Variants in DYNC1I1 observed in about 807,000 individuals in gnomAD.
DYNC1I1 encodes dynein cytoplasmic 1 intermediate chain 1.
DYNC1I1 carries 43 observed loss-of-function variants against 86.6 expected under a neutral mutation model. The observed-to-expected ratio is 0.50, with a 90% CI of 0.39 to 0.64. DYNC1I1 has a LOEUF of 0.64. DYNC1I1 is among the 30% of genes least tolerant of loss of function. The probability of loss-of-function intolerance (pLI) is 0.00; values close to 1 mark genes in which losing one functional copy is unlikely to be tolerated. For synonymous variants in DYNC1I1, 262 were observed against 283.7 expected (o/e 0.92, Z 0.77); for missense variants, 604 against 788.8 (o/e 0.77, Z 2.81).
intron 6 of DYNC1I1, among the ~76,000 whole-genome samples, chr7:95,917,778 C>T (rs886945183): frequency 7.9e-5 from 12 of 152,216 alleles, no homozygotes; most frequent in African/African-American, 2.7e-4. Flanking sequence ...CACTCGCCGT[C>T]CTTCATAGCT....
chr7:96,026,958 C>A (rs917811611), intron 10 of DYNC1I1, among the ~76,000 whole-genome samples: 3 of 152,218 alleles, frequency 2.0e-5, no homozygotes, highest in African/African-American at 7.2e-5. Context: ...CTTGGGTGTG[C>A]AAGTTGTGCT....
intron 6 of DYNC1I1, among the ~76,000 whole-genome samples, chr7:95,911,431 C>T (rs1791332151): frequency 1.3e-5 from 2 of 152,046 alleles, no homozygotes; most frequent in African/African-American, 4.8e-5. Flanking sequence ...GTATGTACTT[C>T]TCTGCTTCAG....
rs866884439 is a variant in DYNC1I1, at chr7:95,950,049, G to A, written c.491-27463G>A. On this transcript the variant is annotated intron_variant, in intron 6 of 16. Coordinates refer to ENST00000447467, the MANE Select transcript of DYNC1I1 (RefSeq NM_001135556.2). ...TATTAGAAATCTTTTATTTTTAGAC[G>A]TATTCACTTTGAATTCTTTCCTTTT... 4.0e-5 allele frequency among the ~76,000 whole-genome samples: 6 copies of A among 151,342 alleles called. No homozygotes were observed. In the East Asian group the frequency reaches 5.8e-4, roughly 15 times the overall value.
At chr7:96,090,817 A>G (rs1790817523) in intron 16 of DYNC1I1, among the ~76,000 whole-genome samples, 1 of 152,214 alleles carries the variant, frequency 6.6e-6, no homozygotes, top group African/African-American at 2.4e-5. Context: ...TAAATAAGTT[A>G]CATACCATAT....
At chr7:96,020,018 G>A (rs985110568) in intron 10 of DYNC1I1, among the ~76,000 whole-genome samples, 4 of 149,254 alleles carry the variant, frequency 2.7e-5, no homozygotes, top group Non-Finnish European at 4.4e-5. Context: ...GGCAAGAACT[G>A]TCATGCTCCT....
chr7:96,010,222 G>A (rs916239655), intron 10 of DYNC1I1, among the ~76,000 whole-genome samples: 3 of 152,130 alleles, frequency 2.0e-5, no homozygotes, highest in African/African-American at 7.2e-5. Flanking sequence ...CAAATAACTA[G>A]TGCGTGGTTG....
At chr7:96,041,517 A>G (rs888221668) in intron 14 of DYNC1I1, among the ~76,000 whole-genome samples, 10 of 152,240 alleles carry the variant, frequency 6.6e-5, no homozygotes, top group African/African-American at 2.4e-4. Flanking sequence ...ATGGAGAAGG[A>G]CATTCACTGA....
Position 95,796,275 on chromosome 7 carries a change from A to T in DYNC1I1, c.-9-8446A>T, listed in dbSNP as rs1194673494. Among the ~76,000 whole-genome samples, 3 of 152,184 alleles carry T rather than the reference A, an allele frequency of 2.0e-5. No individual in the cohort carries two copies. In the East Asian group the frequency reaches 5.8e-4, roughly 29 times the overall value. ...GGCTTAGGCAAGTGAGAAATCTTTC[A>T]CACATTGTTCTATGGGGTCTCTCTC... On this transcript the variant is annotated intron_variant, in intron 1 of 16. Transcript: ENST00000447467.
chr7:95,943,811 G>A (rs1584185810), intron 6 of DYNC1I1, among the ~76,000 whole-genome samples: 1 of 151,330 alleles, frequency 6.6e-6, no homozygotes, highest in African/African-American at 2.4e-5. Context: ...TGAGAAAACT[G>A]GCTAGCCATA....
intron 14 of DYNC1I1, 62 bp downstream of exon 14, chr7:96,039,483 C>T: frequency 6.2e-7 from 1 of 1,604,536 alleles, no homozygotes; most frequent in East Asian, 2.2e-5. Flanking sequence ...GTTTTTCATT[C>T]CCTGGAAACA....
chr7:95,961,989 G>C (rs938692608), intron 6 of DYNC1I1, among the ~76,000 whole-genome samples: 37 of 152,148 alleles, frequency 2.4e-4, no homozygotes, highest in Non-Finnish European at 5.9e-5. Flanking sequence ...GATGTGCCCA[G>C]GTTGGCTGAA....
At chr7:96,040,128 C>T (rs181923761) in intron 14 of DYNC1I1, among the ~76,000 whole-genome samples, 4 of 151,788 alleles carry the variant, frequency 2.6e-5, no homozygotes, top group African/African-American at 7.2e-5. Flanking sequence ...CAGCTACTCT[C>T]GAGGCTGAGG....
intron 9 of DYNC1I1, among the ~76,000 whole-genome samples, chr7:95,989,970 A>C (rs1364851032): frequency 1.3e-5 from 2 of 152,168 alleles, no homozygotes; most frequent in Admixed American, 6.5e-5. Context: ...ATAGAGGAAC[A>C]GTCTTGGTGT....
intron 10 of DYNC1I1, among the ~76,000 whole-genome samples, chr7:96,006,010 G>C (rs960447524): frequency 6.6e-6 from 1 of 152,152 alleles, no homozygotes; most frequent in Admixed American, 6.5e-5. Context: ...ACACATGTGC[G>C]TGAAGAAAAC....
rs1379869425 is a variant in DYNC1I1, at chr7:95,810,379, C to T, written c.109-13C>T. On this transcript the variant is annotated splice_polypyrimidine_tract_variant and intron_variant, in intron 2 of 16. Transcript: ENST00000447467. Reference sequence around the variant, plus strand: ...TTATGTTATTAACTTTTCTTACTGACGTCTACTTCTAGGCTGATATGCAGC... The same window carrying T: ...TTATGTTATTAACTTTTCTTACTGATGTCTACTTCTAGGCTGATATGCAGC... 14 of 1,583,574 alleles carry T rather than the reference C, an allele frequency of 8.8e-6. No homozygotes were observed. The highest frequency in any genetic ancestry group is 3.7e-5 in the Admixed American group (2 of 53,358).
At chr7:95,904,524 G>A (rs566048040) in intron 6 of DYNC1I1, among the ~76,000 whole-genome samples, 11 of 152,200 alleles carry the variant, frequency 7.2e-5, no homozygotes, top group Non-Finnish European at 1.2e-4. Context: ...GGCAGATGCA[G>A]GACATCACAG....
intron 6 of DYNC1I1, among the ~76,000 whole-genome samples, chr7:95,946,581 C>G (rs1225080838): frequency 6.6e-6 from 1 of 152,174 alleles, no homozygotes; most frequent in East Asian, 1.9e-4. Context: ...CACCTAGGCT[C>G]TGAGCCTCAT....
downstream of DYNC1I1, among the ~76,000 whole-genome samples, chr7:96,101,621 G>A (rs562531517): frequency 9.2e-5 from 14 of 152,296 alleles, no homozygotes; most frequent in South Asian, 2.7e-3. Flanking sequence ...ACAAGGTAAT[G>A]TAATGGAGTG....
At chr7:96,001,030 A>G (rs1793998383) in intron 10 of DYNC1I1, among the ~76,000 whole-genome samples, 1 of 152,196 alleles carries the variant, frequency 6.6e-6, no homozygotes, top group Non-Finnish European at 1.5e-5. Flanking sequence ...GTTTCATATC[A>G]TTACAAAAAC....
Sources: gnomAD v4.1 joint callset for allele counts (sites outside exome capture counted in the v4.1 genomes callset) on GRCh38, gnomAD v4.1.1 for gene constraint, MANE v1.5 for transcripts, NCBI Gene and HGNC (gene_info 2026-07-23, HGNC 2026-07-21) for gene names.